CACNA1C: variants seen among roughly 807,000 people sequenced by gnomAD.
The protein encoded by CACNA1C is calcium voltage-gated channel subunit alpha1 C, also known as voltage-dependent L-type calcium channel subunit alpha-1C.
In CACNA1C, 30 loss-of-function variants were observed where a neutral mutation model predicts 229.0. The ratio of observed to expected loss-of-function variants is 0.13; its 90% CI spans 0.10 to 0.18. The LOEUF (loss-of-function observed/expected upper bound fraction) is 0.18, where lower values mean the gene tolerates loss of function less well. Ranked by LOEUF, CACNA1C falls within the 10% of genes least tolerant of loss-of-function variation. The probability of loss-of-function intolerance (pLI) is 1.00; values close to 1 mark genes in which losing one functional copy is unlikely to be tolerated. For missense variants in CACNA1C, 1,658 were observed against 2,845.0 expected, an observed-to-expected ratio of 0.58 and a Z score of 9.49; for synonymous variants, 1,114 against 1,132.5, an observed-to-expected ratio of 0.98 and a Z score of 0.33.
intron 3 of CACNA1C, among the ~76,000 whole-genome samples, chr12:2,338,480 C>T (rs113982555): frequency 0.027 from 4,004 of 146,742 alleles, 119 homozygotes; most frequent in African/African-American, 0.068. Context: ...CCAGAAATGT[C>T]CCCCCACCCC....
chr12:2,268,619 G>C (rs997282912), intron 3 of CACNA1C, among the ~76,000 whole-genome samples: 1 of 152,260 alleles, frequency 6.6e-6, no homozygotes, highest in African/African-American at 2.4e-5. Flanking sequence ...CTGGGGGGAG[G>C]GTTCCTCTGA....
intron 3 of CACNA1C, among the ~76,000 whole-genome samples, chr12:2,240,457 A>C (rs1468264551): frequency 1.3e-5 from 2 of 152,210 alleles, no homozygotes; most frequent in African/African-American, 4.8e-5. Context: ...CTGCACCTTT[A>C]CTGAGGCAGG....
At chr12:2,622,395 C>T (rs1196363439) in intron 29 of CACNA1C, among the ~76,000 whole-genome samples, 1 of 152,146 alleles carries the variant, frequency 6.6e-6, no homozygotes, top group Non-Finnish European at 1.5e-5. Flanking sequence ...CTTCAGTGTG[C>T]ACCTTTACCC....
At chr12:2,087,605 G>C (rs2068208286) in intron 1 of CACNA1C, among the ~76,000 whole-genome samples, 2 of 152,138 alleles carry the variant, frequency 1.3e-5, no homozygotes, top group African/African-American at 2.4e-5. Flanking sequence ...TTTAGTGTGA[G>C]AATTTTAGGT....
chr12:2,577,940 C>T (rs941319917), intron 13 of CACNA1C, among the ~76,000 whole-genome samples: 4 of 150,560 alleles, frequency 2.7e-5, no homozygotes, highest in Non-Finnish European at 4.4e-5. Context: ...GCGATCTCGG[C>T]TCACTGCAAG....
chr12:2,438,206 ATGGTGGTGG>A (rs1174096470), intron 3 of CACNA1C, among the ~76,000 whole-genome samples: 8 of 123,876 alleles, frequency 6.5e-5, no homozygotes, highest in African/African-American at 2.1e-4. Flanking sequence ...GGCGATGGTG[ATGGTGGTGG>A]TGGTGGTGGT....
At chr12:2,245,397 A>C (rs2072679121) in intron 3 of CACNA1C, among the ~76,000 whole-genome samples, 1 of 152,202 alleles carries the variant, frequency 6.6e-6, no homozygotes, top group African/African-American at 2.4e-5. Context: ...AAGCAAACAC[A>C]CATGAGATCT....
At chr12:2,156,151 A>G (rs1401184239) in intron 3 of CACNA1C, among the ~76,000 whole-genome samples, 1 of 152,238 alleles carries the variant, frequency 6.6e-6, no homozygotes, top group Non-Finnish European at 1.5e-5. Context: ...GTACACATAC[A>G]TACGTGGCAA....
chr12:2,412,201 A>G (rs1465324855), intron 3 of CACNA1C, among the ~76,000 whole-genome samples: 1 of 152,094 alleles, frequency 6.6e-6, no homozygotes, highest in Non-Finnish European at 1.5e-5. Context: ...CCACTGCAGG[A>G]CGCCCAGGAT....
intron 46 of CACNA1C, 38 bp from the exon 47 acceptor site, chr12:2,690,862 T>C (rs1442393510): frequency 1.3e-6 from 2 of 1,502,494 alleles, no homozygotes; most frequent in East Asian, 2.4e-5. Flanking sequence ...GGAGTAATGT[T>C]CCTTTGGTTC....
rs1290209091 is a variant in CACNA1C, at chr12:2,450,383, T to C, written c.617+1268T>C. Among the ~76,000 whole-genome samples, 6 of 151,380 alleles carry C rather than the reference T, an allele frequency of 4.0e-5. No homozygotes were observed. The South Asian group carries it at 6.3e-4, about 16-fold the overall frequency. On this transcript the variant is annotated intron_variant, in intron 4 of 46. Coordinates refer to ENST00000399655, the MANE Select transcript of CACNA1C (RefSeq NM_000719.7). ...TCCTGGCTAACACGGTGAAACCCCG[T>C]CTCTACTAAAAATACAAAAACTTAG...
chr12:2,664,674 T>G, intron 34 of CACNA1C, 151 bp from the exon 35 acceptor site: 1 of 564,062 alleles, frequency 1.8e-6, no homozygotes, highest in Non-Finnish European at 3.0e-6. Context: ...TTAGCAAATA[T>G]ATCAGAGCAT....
intron 3 of CACNA1C, among the ~76,000 whole-genome samples, chr12:2,313,618 G>A (rs569746250): frequency 4.6e-5 from 7 of 152,152 alleles, no homozygotes; most frequent in South Asian, 2.1e-4. Flanking sequence ...TTGATTCAGA[G>A]ATTGGGGACT....
chr12:2,206,523 A>G (rs893265364), intron 3 of CACNA1C, among the ~76,000 whole-genome samples: 2 of 152,190 alleles, frequency 1.3e-5, no homozygotes, highest in Admixed American at 1.3e-4. Flanking sequence ...TTATCTGCAA[A>G]ATGGGGCTAG....
chr12:2,228,541 A>G (rs1346946885), intron 3 of CACNA1C, among the ~76,000 whole-genome samples: 1 of 152,206 alleles, frequency 6.6e-6, no homozygotes, highest in Non-Finnish European at 1.5e-5. Flanking sequence ...TCTCCTAAGA[A>G]TCTGGTTGAC....
chr12:2,315,466 T>G (rs548985913), intron 3 of CACNA1C, among the ~76,000 whole-genome samples: 53 of 152,318 alleles, frequency 3.5e-4, no homozygotes, highest in African/African-American at 1.1e-3. Flanking sequence ...GTCGCCACCT[T>G]TCTTGATTAG....
chr12:2,510,078 C>G (rs1245331959), intron 8 of CACNA1C, among the ~76,000 whole-genome samples: 1 of 152,220 alleles, frequency 6.6e-6, no homozygotes, highest in Non-Finnish European at 1.5e-5. Flanking sequence ...GCTCTCCACA[C>G]CACCCCTCAT....
intron 13 of CACNA1C, among the ~76,000 whole-genome samples, chr12:2,569,651 T>G (rs929872889): frequency 1.3e-5 from 2 of 152,240 alleles, no homozygotes; most frequent in Non-Finnish European, 2.9e-5. Context: ...GTGAATAATA[T>G]TCCATTGTAG....
Position 2,332,046 on chromosome 12 carries a change from A to T in CACNA1C, c.478-116930A>T, listed in dbSNP as rs539748240. Among the ~76,000 whole-genome samples the T allele has an allele frequency of 1.5e-3, 233 of 152,294 alleles. 2 individuals carry two copies. The highest frequency in any genetic ancestry group is 5.2e-3 in the African/African-American group (217 of 41,564). On this transcript the variant is annotated intron_variant, in intron 3 of 46. Transcript: ENST00000399655. ...AGTTACAGTACTGTGTCCATGTTAA[A>T]TTTCTTATTTTGCTCATCACAGTAT...
Sources: allele counts gnomAD v4.1 joint callset (sites outside exome capture counted in the v4.1 genomes callset), GRCh38; gene constraint gnomAD v4.1.1; transcripts MANE v1.5; gene names NCBI Gene and HGNC (gene_info 2026-07-23, HGNC 2026-07-21).